LPP: variants seen among roughly 807,000 people sequenced by gnomAD.
LPP encodes lipoma-preferred partner.
In LPP, 38 loss-of-function variants were observed where a neutral mutation model predicts 60.4. The ratio of observed to expected loss-of-function variants is 0.63; its 90% CI spans 0.49 to 0.83. LPP has a LOEUF of 0.83. Among genes scored for constraint, LPP ranks in the 40% least tolerant of loss-of-function variants. The probability of loss-of-function intolerance (pLI) is 0.00; values close to 1 mark genes in which losing one functional copy is unlikely to be tolerated. For synonymous variants in LPP, 328 were observed against 290.8 expected, an observed-to-expected ratio of 1.13 and a Z score of -1.30; for missense variants, 902 against 783.6, an observed-to-expected ratio of 1.15 and a Z score of -1.80.
intron 2 of LPP, among the ~76,000 whole-genome samples, chr3:188,235,581 T>G (rs1039344131): frequency 3.3e-5 from 5 of 152,240 alleles, no homozygotes; most frequent in African/African-American, 1.2e-4. Context: ...GTAAAGTGAT[T>G]GTTCCTTTCT....
At chr3:188,240,376 T>TGTGAGA (rs534393899) in intron 2 of LPP, among the ~76,000 whole-genome samples, 152 of 143,318 alleles carry the variant, frequency 1.1e-3, no homozygotes, top group African/African-American at 3.6e-3. Flanking sequence ...TGTGTGTGTG[T>TGTGAGA]GAGAGAGAGA....
chr3:188,325,517 A>G (rs1758184047), intron 2 of LPP, among the ~76,000 whole-genome samples: 1 of 152,022 alleles, frequency 6.6e-6, no homozygotes, highest in Non-Finnish European at 1.5e-5. Flanking sequence ...TTCTTCTGTC[A>G]TTATCTTGCT....
At chr3:188,866,050 A>T in intron 9 of LPP, 150 bp from the exon 10 acceptor site, 1 of 495,930 alleles carries the variant, frequency 2.0e-6, no homozygotes, top group Non-Finnish European at 3.4e-6. Context: ...ACTGTATTAA[A>T]GCTGTAGATG....
chr3:188,581,073 T>C (rs1835970205), intron 6 of LPP, among the ~76,000 whole-genome samples: 1 of 152,078 alleles, frequency 6.6e-6, no homozygotes, highest in South Asian at 2.1e-4. Context: ...GATTGGAGTT[T>C]GATTGAATAA....
chr3:188,578,786 C>A (rs1314082576), intron 6 of LPP, among the ~76,000 whole-genome samples: 1 of 152,160 alleles, frequency 6.6e-6, no homozygotes, highest in Non-Finnish European at 1.5e-5. Flanking sequence ...GCTGCATGTG[C>A]TGCTATTACA....
At position 188,258,737 on chromosome 3, in the gene LPP, C is replaced by A. The variant is rs543750212; in HGVS notation, c.-67+33210C>A. Among the ~76,000 whole-genome samples the A allele has an allele frequency of 7.9e-5, 12 of 152,298 alleles. No homozygotes were observed. The South Asian group carries it at 2.1e-3, about 26-fold the overall frequency. ...AAGATTCGTCTAGAGAAGACGATCA[C>A]CGCATTAGGGGGCAGAAAGTCCACT... On this transcript the variant is annotated intron_variant, in intron 2 of 11. Coordinates refer to ENST00000617246, the MANE Select transcript of LPP (RefSeq NM_001375462.1).
At chr3:188,652,144 CTT>C (rs1304881545) in intron 7 of LPP, among the ~76,000 whole-genome samples, 1 of 152,110 alleles carries the variant, frequency 6.6e-6, no homozygotes, top group Non-Finnish European at 1.5e-5. Context: ...AGAAAAGAGT[CTT>C]TGAATTTTCC....
chr3:188,575,525 C>T (rs1345582129), intron 6 of LPP, among the ~76,000 whole-genome samples: 2 of 152,126 alleles, frequency 1.3e-5, no homozygotes, highest in African/African-American at 2.4e-5. Context: ...ACAGCTAGTA[C>T]GTGGCAGGGC....
At chr3:188,767,543 G>A (rs796286509) in intron 9 of LPP, among the ~76,000 whole-genome samples, 50 of 152,218 alleles carry the variant, frequency 3.3e-4, no homozygotes, top group African/African-American at 1.1e-3. Flanking sequence ...ACTGATCTAT[G>A]CAAACAAAGA....
chr3:188,666,184 T>C (rs991687698), intron 7 of LPP, among the ~76,000 whole-genome samples: 1 of 152,246 alleles, frequency 6.6e-6, no homozygotes, highest in Non-Finnish European at 1.5e-5. Context: ...TATAAACTAT[T>C]TATATTTCTC....
chr3:188,828,054 ATAT>A (rs1756053990), intron 9 of LPP, among the ~76,000 whole-genome samples: 1 of 152,112 alleles, frequency 6.6e-6, no homozygotes, highest in Admixed American at 6.5e-5. Context: ...TGCTCAGCAA[ATAT>A]TATTGAGCAC....
chr3:188,428,992 A>T lies in LPP; in HGVS notation c.193+22679A>T, dbSNP rs73050793. On this transcript the variant is annotated intron_variant, in intron 4 of 11. Transcript: ENST00000617246. ...CCTTTCTGTTCTTCACTTTTGAGTT[A>T]TAAATCCTAGGGAAAGGAACAATGA... is the stretch of plus-strand genomic sequence containing the variant. Among the ~76,000 whole-genome samples, 1,357 of 152,278 alleles carry T rather than the reference A, an allele frequency of 8.9e-3. 20 individuals carry two copies. The highest frequency in any genetic ancestry group is 0.031 in the African/African-American group (1,309 of 41,556).
At chr3:188,647,934 A>T (rs2148924070) in intron 7 of LPP, among the ~76,000 whole-genome samples, 1 of 152,352 alleles carries the variant, frequency 6.6e-6, no homozygotes, top group African/African-American at 2.4e-5. Flanking sequence ...ATGGGTCTTC[A>T]GTTACATCGT....
At chr3:188,589,500 C>T (rs1485797699) in intron 6 of LPP, among the ~76,000 whole-genome samples, 1 of 152,174 alleles carries the variant, frequency 6.6e-6, no homozygotes, top group Non-Finnish European at 1.5e-5. Flanking sequence ...CTCTCAATGC[C>T]TGCATGATTT....
At chr3:188,509,550 A>G (rs1398614383) in intron 5 of LPP, among the ~76,000 whole-genome samples, 1 of 152,174 alleles carries the variant, frequency 6.6e-6, no homozygotes, top group Non-Finnish European at 1.5e-5. Flanking sequence ...AAAGAAAAAC[A>G]TTCACATTGG....
intron 3 of LPP, among the ~76,000 whole-genome samples, chr3:188,381,805 CAATT>C (rs1344766537): frequency 6.6e-6 from 1 of 152,084 alleles, no homozygotes; most frequent in Admixed American, 6.5e-5. Flanking sequence ...ATTTAATTGA[CAATT>C]AACTGTTGTT....
chr3:188,488,462 T>C (rs1807283090), intron 5 of LPP, among the ~76,000 whole-genome samples: 1 of 152,168 alleles, frequency 6.6e-6, no homozygotes, highest in Non-Finnish European at 1.5e-5. Flanking sequence ...ATGTTTGTAG[T>C]GACACTTCAG....
At chr3:188,756,085 C>A (rs115682636) in intron 8 of LPP, among the ~76,000 whole-genome samples, 254 of 152,110 alleles carry the variant, frequency 1.7e-3, no homozygotes, top group African/African-American at 5.6e-3. Flanking sequence ...TTGCAATAGC[C>A]TTTGAAAGGA....
At position 188,501,708 on chromosome 3, in the gene LPP, C is replaced by T. The variant is rs550482739; in HGVS notation, c.306+17004C>T. 4.0e-5 allele frequency among the ~76,000 whole-genome samples: 6 copies of T among 150,832 alleles called. No homozygotes were observed. The South Asian group carries it at 1.0e-3, about 26-fold the overall frequency. Reference sequence around the variant, plus strand: ...AGGTTGCAGTGAGCCGAGATCACTCCAGCCTGGGTGACAGAGGAAGACTCC... The same window carrying T: ...AGGTTGCAGTGAGCCGAGATCACTCTAGCCTGGGTGACAGAGGAAGACTCC... On this transcript the variant is annotated intron_variant, in intron 5 of 11. Coordinates refer to ENST00000617246, the MANE Select transcript of LPP (RefSeq NM_001375462.1).
Sources: gnomAD v4.1 joint callset for allele counts (sites outside exome capture counted in the v4.1 genomes callset) on GRCh38, gnomAD v4.1.1 for gene constraint, MANE v1.5 for transcripts, NCBI Gene and HGNC (gene_info 2026-07-23, HGNC 2026-07-21) for gene names.